Variants in HEPHL1 observed in about 807,000 individuals in gnomAD.
The protein encoded by HEPHL1 is hephaestin like 1, also known as ferroxidase HEPHL1.
In HEPHL1, 123 loss-of-function variants were observed where a neutral mutation model predicts 122.0. The observed-to-expected ratio is 1.01, with a 90% CI of 0.87 to 1.17. The LOEUF (loss-of-function observed/expected upper bound fraction) is 1.17. Ranked by LOEUF, HEPHL1 falls within the 50% of genes most tolerant of loss-of-function variation. The probability of loss-of-function intolerance (pLI) is 0.00; values close to 1 mark genes in which losing one functional copy is unlikely to be tolerated. For synonymous variants in HEPHL1, 527 were observed against 508.9 expected (o/e 1.04, Z -0.48); for missense variants, 1,452 against 1,430.5 (o/e 1.01, Z -0.24).
intron 1 of HEPHL1, among the ~76,000 whole-genome samples, chr11:94,034,967 T>C (rs1470312734): frequency 6.6e-6 from 1 of 152,206 alleles, no homozygotes; most frequent in Admixed American, 6.5e-5. Context: ...TCCAAAATTG[T>C]CTTCCCTAGA....
Position 94,093,715 on chromosome 11 carries a change from A to G in HEPHL1, c.2434+75A>G. 2.0e-6 allele frequency: 3 copies of G among 1,496,622 alleles called. 1 individual carries two copies. The South Asian group carries it at 3.9e-5, about 19-fold the overall frequency. 92.7% of individuals were successfully genotyped at this position (1,496,622 alleles called of 1,614,324 possible). A position where few individuals can be genotyped will look rare whatever the true frequency, so the allele number is the denominator to read the frequency against. ...CACACATACTCATGTGTTCTGTTAC[A>G]CTTGTGGCTAAGAAAGGATAGAAGA... On this transcript the variant is annotated intron_variant, in intron 13 of 19. Transcript: ENST00000315765.
rs58966846 is a variant in HEPHL1, at chr11:94,042,875, T to TAAAAAAAAAAA, written c.171-2790_171-2780dup. On this transcript the variant is annotated intron_variant, in intron 1 of 19. Transcript: ENST00000315765. ...ATGTACCCTAAAACTTAAAGTATAA[T>TAAAAAAAAAAA]AAAAAAAAAAAAAAAAAACTGCATG... Among the ~76,000 whole-genome samples the TAAAAAAAAAAA allele has an allele frequency of 4.1e-3, 260 of 63,132 alleles. 11 individuals carry two copies. Among genetic ancestry groups the TAAAAAAAAAAA allele is most frequent in the Non-Finnish European group, 4.9e-3 (169 of 34,480 alleles). The allele number at this position is 63,132 out of a possible 152,430, so 41.4% of individuals were successfully genotyped here.
chr11:94,039,710 A>G (rs1283888639), intron 1 of HEPHL1, among the ~76,000 whole-genome samples: 6 of 150,912 alleles, frequency 4.0e-5, no homozygotes, highest in Non-Finnish European at 8.9e-5. Context: ...TCTCTGGGAC[A>G]CATTCAAAGC....
Position 94,111,050 on chromosome 11 carries a change from G to T in HEPHL1, c.3193G>T (p.Val1065Phe), listed in dbSNP as rs998775887. ...TGCTGGCATGGAGACAACCTACACG[G>T]TCCTTCGTAACATAGGTACGGTTGT... ...IHAGMETTYT[V>F]LRNIDNRIPY... Residue 1065 changes from valine (V) to phenylalanine (F), a missense_variant, in exon 18 of 20, where the codon GTC (valine) becomes TTC (phenylalanine). Transcript: ENST00000315765. 5.6e-6 allele frequency: 9 copies of T among 1,594,812 alleles called. No individual in the cohort carries two copies. The East Asian group carries it at 2.0e-4, about 36-fold the overall frequency.
At chr11:94,031,202 G>A (rs1945671622) in intron 1 of HEPHL1, among the ~76,000 whole-genome samples, 1 of 152,048 alleles carries the variant, frequency 6.6e-6, no homozygotes, top group Non-Finnish European at 1.5e-5. Context: ...AAAAGAGGAT[G>A]AGTGAAAGTA....
chr11:94,102,302 A>G (rs1046505718), intron 14 of HEPHL1, among the ~76,000 whole-genome samples: 6 of 152,268 alleles, frequency 3.9e-5, no homozygotes, highest in Non-Finnish European at 8.8e-5. Context: ...CACTTTACAG[A>G]TAAGGATACT....
Position 94,086,017 on chromosome 11 carries a change from CAT to C in HEPHL1, c.1909_1910del (p.Met637ValfsTer2), listed in dbSNP as rs1946214288. Reference sequence around the variant, plus strand: ...TGTATGGCAACCAGCCAGGCTTAAACATGTGTAAAAGGGATAGAGTTTCCTGG... The same window carrying C: ...TGTATGGCAACCAGCCAGGCTTAAACGTGTAAAAGGGATAGAGTTTCCTGG... ...YMYGNQPGLN[M>X]CKRDRVSWHL... On this transcript the variant is annotated frameshift_variant, in exon 11 of 20. Coordinates refer to ENST00000315765, the MANE Select transcript of HEPHL1 (RefSeq NM_001098672.2). LOFTEE classifies it high-confidence loss of function. 1.2e-6 allele frequency: 2 copies of C among 1,613,916 alleles called. No homozygotes were observed. Among genetic ancestry groups the C allele is most frequent in the Non-Finnish European group, 1.7e-6 (2 of 1,179,850 alleles).
intron 16 of HEPHL1, among the ~76,000 whole-genome samples, chr11:94,105,034 A>G (rs1160452489): frequency 6.6e-6 from 1 of 152,054 alleles, no homozygotes; most frequent in Non-Finnish European, 1.5e-5. Context: ...AAAACAAATC[A>G]TCATTTATTG....
intron 1 of HEPHL1, among the ~76,000 whole-genome samples, chr11:94,044,536 C>G (rs1345180962): frequency 6.6e-6 from 1 of 152,126 alleles, no homozygotes; most frequent in Non-Finnish European, 1.5e-5. Context: ...GTCAGTCTAT[C>G]TCCGGAACTT....
At chr11:94,075,951 A>T (rs1157254311) in intron 9 of HEPHL1, among the ~76,000 whole-genome samples, 1 of 152,208 alleles carries the variant, frequency 6.6e-6, no homozygotes, top group Admixed American at 6.5e-5. Flanking sequence ...TAGTGTAGCG[A>T]AGCATAGCCT....
At chr11:94,101,469 A>T (rs941329293) in intron 14 of HEPHL1, 134 bp downstream of exon 14, 1 of 878,700 alleles carries the variant, frequency 1.1e-6, no homozygotes, top group East Asian at 2.7e-5. Flanking sequence ...CTCTGGTATG[A>T]GATCATCATT....
At chr11:94,098,086 A>G (rs1183646775) in intron 13 of HEPHL1, among the ~76,000 whole-genome samples, 1 of 152,212 alleles carries the variant, frequency 6.6e-6, no homozygotes, top group Non-Finnish European at 1.5e-5. Context: ...TTCACTCATT[A>G]GTTGATGCAG....
chr11:94,111,650 CTCAAAAAT>C lies in HEPHL1; in HGVS notation c.3278-41_3278-34del, dbSNP rs1946451044. ...ATGTAAATGAGTCAACATTTCACCC[CTCAAAAAT>C]GTCAGGGGCCTGACAAGTTTATCTT... On this transcript the variant is annotated intron_variant, in intron 19 of 19. Transcript: ENST00000315765. 1.9e-6 allele frequency: 3 copies of C among 1,610,008 alleles called. No individual in the cohort carries two copies. The African/African-American group carries it at 4.0e-5, about 21-fold the overall frequency.
At chr11:94,078,836 A>G (rs760523374) in intron 9 of HEPHL1, among the ~76,000 whole-genome samples, 4 of 152,112 alleles carry the variant, frequency 2.6e-5, no homozygotes, top group Non-Finnish European at 4.4e-5. Context: ...TACTGATTCA[A>G]TTGTTAATCT....
chr11:94,063,821 C>G (rs1946009586), intron 3 of HEPHL1, 101 bp downstream of exon 3: 4 of 939,198 alleles, frequency 4.3e-6, no homozygotes, highest in Admixed American at 2.1e-5. Context: ...TGTGCCTCTT[C>G]CAAATTTCTT....
chr11:94,062,332 T>C (rs1228593447), intron 2 of HEPHL1, among the ~76,000 whole-genome samples: 1 of 152,220 alleles, frequency 6.6e-6, no homozygotes, highest in Non-Finnish European at 1.5e-5. Flanking sequence ...TCCACTATAG[T>C]TGGCACATAA....
chr11:94,051,165 C>T (rs1945887299), intron 2 of HEPHL1, among the ~76,000 whole-genome samples: 1 of 152,040 alleles, frequency 6.6e-6, no homozygotes, highest in Non-Finnish European at 1.5e-5. Flanking sequence ...GGTATGTACC[C>T]ATACCAGTGG....
intron 2 of HEPHL1, among the ~76,000 whole-genome samples, chr11:94,060,655 T>G (rs1257694735): frequency 6.6e-6 from 1 of 152,138 alleles, no homozygotes; most frequent in African/African-American, 2.4e-5. Context: ...GGCTGTGAGC[T>G]TAACCAGTGG....
intron 4 of HEPHL1, 33 bp from the exon 5 acceptor site, chr11:94,067,463 G>T (rs778859532): frequency 2.4e-5 from 38 of 1,605,696 alleles, no homozygotes; most frequent in Non-Finnish European, 3.2e-5. Context: ...CTCTGCAGGG[G>T]AGTCTCTTCC....
Sources: gnomAD v4.1 joint callset for allele counts (sites outside exome capture counted in the v4.1 genomes callset) on GRCh38, gnomAD v4.1.1 for gene constraint, MANE v1.5 for transcripts, NCBI Gene and HGNC (gene_info 2026-07-23, HGNC 2026-07-21) for gene names.